ST8SIA4: variants seen among roughly 807,000 people sequenced by gnomAD.
ST8SIA4 encodes the protein ST8 alpha-N-acetyl-neuraminide alpha-2,8-sialyltransferase 4.
A neutral mutation model predicts 33.9 loss-of-function variants in ST8SIA4; 15 were observed. The ratio of observed to expected loss-of-function variants is 0.44; its 90% confidence interval spans 0.30 to 0.68. The LOEUF (loss-of-function observed/expected upper bound fraction) is 0.68. ST8SIA4 is among the 30% of genes least tolerant of loss of function. The pLI is 0.10. For missense variants in ST8SIA4, 321 were observed against 428.0 expected (o/e 0.75, Z 2.21); for synonymous variants, 171 against 151.2 (o/e 1.13, Z -0.96).
Position 100,808,788 on chromosome 5 carries a change from G to A in ST8SIA4, c.*3059C>T, listed in dbSNP as rs541983306. The A allele has an allele frequency of 1.6e-4, 24 of 152,626 alleles. No homozygotes were observed. Among genetic ancestry groups the A allele is most frequent in the African/African-American group, 5.3e-4 (22 of 41,514 alleles). 9.5% of individuals were successfully genotyped at this position (152,626 alleles called of 1,614,324 possible). On this transcript the variant is annotated 3_prime_UTR_variant, in exon 5 of 5. Transcript: ENST00000231461. The stretch of plus-strand genomic sequence containing the variant: ...GATCTTGCTCTGTTTCCATAAAAAG[G>A]CCACAGTAGATAGTTAAAATGGGAG...
At chr5:100,876,170 A>T (rs1752299432) in intron 3 of ST8SIA4, among the ~76,000 whole-genome samples, 1 of 152,132 alleles carries the variant, frequency 6.6e-6, no homozygotes, top group Non-Finnish European at 1.5e-5. Flanking sequence ...AGAGAATATG[A>T]GAGATCGAAT....
At chr5:100,849,536 C>T in intron 4 of ST8SIA4, 2 of 835,032 alleles carry the variant, frequency 2.4e-6, no homozygotes, top group Non-Finnish European at 2.9e-6. Flanking sequence ...AATCCCCGCA[C>T]TTTGGGAGGC....
chr5:100,835,537 A>G (rs1483815454), intron 4 of ST8SIA4, among the ~76,000 whole-genome samples: 2 of 152,190 alleles, frequency 1.3e-5, no homozygotes, highest in African/African-American at 4.8e-5. Flanking sequence ...TGGTTAAAAT[A>G]AGGTTCTCCA....
intron 3 of ST8SIA4, among the ~76,000 whole-genome samples, chr5:100,874,336 C>A (rs1227891058): frequency 6.6e-6 from 1 of 152,044 alleles, no homozygotes; most frequent in Non-Finnish European, 1.5e-5. Flanking sequence ...AGAAAGAGTA[C>A]ATATATTAAT....
chr5:100,866,160 CAT>C (rs933157080), intron 3 of ST8SIA4, among the ~76,000 whole-genome samples: 5 of 152,092 alleles, frequency 3.3e-5, no homozygotes, highest in African/African-American at 1.2e-4. Context: ...ACAATGTTAA[CAT>C]AGTGTCTGTC....
intron 4 of ST8SIA4, among the ~76,000 whole-genome samples, chr5:100,853,691 A>G (rs1751750582): frequency 6.6e-6 from 1 of 152,222 alleles, no homozygotes; most frequent in East Asian, 1.9e-4. Flanking sequence ...AAGAATCTGC[A>G]AAGTTTATGT....
chr5:100,880,889 T>C (rs1484742821), intron 3 of ST8SIA4, among the ~76,000 whole-genome samples: 1 of 152,234 alleles, frequency 6.6e-6, no homozygotes, highest in East Asian at 1.9e-4. Flanking sequence ...GATATTTGTA[T>C]GTGCCTGTGG....
chr5:100,866,898 T>C (rs958152171), intron 3 of ST8SIA4, among the ~76,000 whole-genome samples: 1 of 152,088 alleles, frequency 6.6e-6, no homozygotes, highest in Non-Finnish European at 1.5e-5. Context: ...TTAAACTTCA[T>C]GAGCATTGTT....
At chr5:100,849,092 A>C in intron 4 of ST8SIA4, 6 of 910,752 alleles carry the variant, frequency 6.6e-6, no homozygotes, top group Non-Finnish European at 7.9e-6. Context: ...TATCATAATT[A>C]CCAAAAATTT....
intron 4 of ST8SIA4, among the ~76,000 whole-genome samples, chr5:100,823,659 CAAATGAAG>C (rs1751079267): frequency 6.6e-6 from 1 of 152,120 alleles, no homozygotes. Context: ...TAAAACAAAA[CAAATGAAG>C]AAACAAAAAA....
chr5:100,829,869 C>T (rs1751216231), intron 4 of ST8SIA4, among the ~76,000 whole-genome samples: 1 of 149,294 alleles, frequency 6.7e-6, no homozygotes, highest in Non-Finnish European at 1.5e-5. Context: ...GATCGCGCCA[C>T]TGCACTCCAA....
At chr5:100,858,636 G>A (rs1751868953) in intron 3 of ST8SIA4, among the ~76,000 whole-genome samples, 1 of 152,070 alleles carries the variant, frequency 6.6e-6, no homozygotes, top group African/African-American at 2.4e-5. Flanking sequence ...GCTGAAGGCT[G>A]AAAGATAAAT....
Position 100,811,576 on chromosome 5 carries a change from T to C in ST8SIA4, c.*271A>G, listed in dbSNP as rs961858928. 1 of 354,484 alleles carries C rather than the reference T, an allele frequency of 2.8e-6. No individual in the cohort carries two copies. Among genetic ancestry groups the C allele is most frequent in the Non-Finnish European group, 5.2e-6 (1 of 191,240 alleles). The allele number at this position is 354,484 out of a possible 1,614,324, so 22.0% of individuals were successfully genotyped here. A position where few individuals can be genotyped will look rare whatever the true frequency, so the allele number is the denominator to read the frequency against. The stretch of plus-strand genomic sequence containing the variant: ...CTTTGTTAACTAATGATGAGTGCAC[T>C]GTTGGATCTTGTAAACACTACTGAT... On this transcript the variant is annotated 3_prime_UTR_variant, in exon 5 of 5. Coordinates refer to ENST00000231461, the MANE Select transcript of ST8SIA4 (RefSeq NM_005668.6).
intron 4 of ST8SIA4, among the ~76,000 whole-genome samples, chr5:100,819,335 G>A (rs1191052274): frequency 6.6e-6 from 1 of 152,200 alleles, no homozygotes; most frequent in Admixed American, 6.5e-5. Flanking sequence ...AGCATTCCCA[G>A]CAAGTATCAT....
chr5:100,866,290 A>C (rs1366766464), intron 3 of ST8SIA4, among the ~76,000 whole-genome samples: 1 of 152,136 alleles, frequency 6.6e-6, no homozygotes, highest in Non-Finnish European at 1.5e-5. Context: ...CCTATCAGTC[A>C]AAGCCCAAAA....
intron 3 of ST8SIA4, among the ~76,000 whole-genome samples, chr5:100,876,581 T>C (rs1203362640): frequency 6.6e-6 from 1 of 152,104 alleles, no homozygotes; most frequent in Non-Finnish European, 1.5e-5. Context: ...CCAATCTTCT[T>C]TCTTTGAAAC....
intron 3 of ST8SIA4, among the ~76,000 whole-genome samples, chr5:100,857,421 A>C (rs1408333409): frequency 1.3e-5 from 2 of 151,898 alleles, no homozygotes; most frequent in Non-Finnish European, 2.9e-5. Flanking sequence ...TGCTTTTAAA[A>C]AGGTAGGTTT....
At chr5:100,885,680 A>T in intron 3 of ST8SIA4, 1 of 941,304 alleles carries the variant, frequency 1.1e-6, no homozygotes, top group Non-Finnish European at 1.3e-6. Flanking sequence ...TTATGATGTG[A>T]TTATAATTCC....
intron 4 of ST8SIA4, among the ~76,000 whole-genome samples, chr5:100,818,511 T>C (rs1337195254): frequency 1.3e-5 from 2 of 152,184 alleles, no homozygotes; most frequent in African/African-American, 2.4e-5. Context: ...ACAAAGGCAA[T>C]GACATTGTAC....
Sources: gnomAD v4.1 joint callset for allele counts (sites outside exome capture counted in the v4.1 genomes callset) on GRCh38, gnomAD v4.1.1 for gene constraint, MANE v1.5 for transcripts, NCBI Gene and HGNC (gene_info 2026-07-23, HGNC 2026-07-21) for gene names.